FOXP1: variants seen among roughly 807,000 people sequenced by gnomAD.
The protein encoded by FOXP1 is forkhead box P1.
A neutral mutation model predicts 98.2 loss-of-function variants in FOXP1; 15 were observed. That is an observed-to-expected ratio of 0.15 (90% confidence interval 0.10 to 0.24). FOXP1 has a LOEUF of 0.24. FOXP1 is among the 10% of genes least tolerant of loss of function. The probability of loss-of-function intolerance (pLI) is 1.00; values close to 1 mark genes in which losing one functional copy is unlikely to be tolerated. For missense variants in FOXP1, 633 were observed against 848.5 expected (o/e 0.75, Z 3.15); for synonymous variants, 371 against 314.5 (o/e 1.18, Z -1.90).
chr3:71,524,218 GC>G (rs2043199217), intron 2 of FOXP1, among the ~76,000 whole-genome samples: 1 of 152,040 alleles, frequency 6.6e-6, no homozygotes, highest in Non-Finnish European at 1.5e-5. Context: ...ACAAAATTCA[GC>G]CGGGCATGGT....
chr3:71,421,889 G>A (rs2083680346), intron 3 of FOXP1, among the ~76,000 whole-genome samples: 1 of 152,196 alleles, frequency 6.6e-6, no homozygotes, highest in Non-Finnish European at 1.5e-5. Context: ...ACTGCTGATG[G>A]AGCACCTCCA....
intron 12 of FOXP1, among the ~76,000 whole-genome samples, chr3:71,015,181 A>C (rs565045091): frequency 4.6e-5 from 7 of 152,200 alleles, no homozygotes; most frequent in African/African-American, 1.2e-4. Context: ...CAACAACAAC[A>C]ACAACAAAAT....
At chr3:71,065,260 G>C (rs1701311691) in intron 7 of FOXP1, among the ~76,000 whole-genome samples, 1 of 152,034 alleles carries the variant, frequency 6.6e-6, no homozygotes. Context: ...GGCTCTGCGG[G>C]GCCGGGGCTG....
intron 7 of FOXP1, among the ~76,000 whole-genome samples, chr3:71,092,514 C>G (rs1023553273): frequency 1.3e-5 from 2 of 152,030 alleles, no homozygotes; most frequent in Non-Finnish European, 2.9e-5. Context: ...AGATTGAGGA[C>G]AGGAGGAGGC....
chr3:71,102,867 G>A (rs2057089350), intron 7 of FOXP1, among the ~76,000 whole-genome samples: 1 of 152,096 alleles, frequency 6.6e-6, no homozygotes, highest in Admixed American at 6.5e-5. Flanking sequence ...TAGAATCCCA[G>A]CTCTGCCACT....
chr3:71,514,748 C>G lies in FOXP1; in HGVS notation c.-297-21193G>C, dbSNP rs6796893. 4.6e-3 allele frequency among the ~76,000 whole-genome samples: 698 copies of G among 152,322 alleles called. 4 individuals are homozygous for G. Among genetic ancestry groups the G allele is most frequent in the African/African-American group, 0.015 (639 of 41,566 alleles). ...CAGCACGTACACCACAGTTCTGTGACCTGCATGTGGAGCCGACCCAGGTGA... is the reference window on the plus strand; with the variant it reads ...CAGCACGTACACCACAGTTCTGTGAGCTGCATGTGGAGCCGACCCAGGTGA... On this transcript the variant is annotated intron_variant, in intron 2 of 20. Transcript: ENST00000649528.
At chr3:71,173,702 T>C (rs1021923636) in intron 6 of FOXP1, among the ~76,000 whole-genome samples, 38 of 152,162 alleles carry the variant, frequency 2.5e-4, no homozygotes, top group African/African-American at 8.2e-4. Flanking sequence ...GCATGGCTGA[T>C]AACAATTAGA....
At chr3:71,090,978 T>G (rs1420184182) in intron 7 of FOXP1, among the ~76,000 whole-genome samples, 1 of 152,120 alleles carries the variant, frequency 6.6e-6, no homozygotes, top group Non-Finnish European at 1.5e-5. Context: ...ATTTTTTGTG[T>G]GTCCAGACCA....
chr3:71,193,165 TG>T (rs1247132197), intron 6 of FOXP1, among the ~76,000 whole-genome samples: 20 of 150,212 alleles, frequency 1.3e-4, no homozygotes, highest in Non-Finnish European at 2.7e-4. Flanking sequence ...GTTTTTTTTT[TG>T]AGACGGAGTC....
At chr3:71,277,231 T>C (rs2071005763) in intron 5 of FOXP1, among the ~76,000 whole-genome samples, 2 of 151,820 alleles carry the variant, frequency 1.3e-5, no homozygotes, top group South Asian at 2.1e-4. Context: ...GTGCTGGGAT[T>C]ACAGGCATGA....
intron 3 of FOXP1, among the ~76,000 whole-genome samples, chr3:71,395,404 AG>A: frequency 6.7e-6 from 1 of 149,640 alleles, no homozygotes; most frequent in Non-Finnish European, 1.5e-5. Flanking sequence ...ATGATACCCC[AG>A]GGTCTGAACA....
Position 70,958,481 on chromosome 3 carries a change from A to T in FOXP1, c.*766T>A, listed in dbSNP as rs2032393626. 1 of 397,282 alleles carries T rather than the reference A, an allele frequency of 2.5e-6. No individual in the cohort carries two copies. Among genetic ancestry groups the T allele is most frequent in the Non-Finnish European group, 4.8e-6 (1 of 206,652 alleles). The allele number at this position is 397,282 out of a possible 1,614,324, so 24.6% of individuals were successfully genotyped here. On this transcript the variant is annotated 3_prime_UTR_variant, in exon 21 of 21. Coordinates refer to ENST00000649528, the MANE Select transcript of FOXP1 (RefSeq NM_001349338.3). Reference sequence around the variant, plus strand: ...TCTGAAGGAAGATGGAATGAGTGACAGAAAGCTACAAACGAGAAATGACAT... The same window carrying T: ...TCTGAAGGAAGATGGAATGAGTGACTGAAAGCTACAAACGAGAAATGACAT...
intron 6 of FOXP1, among the ~76,000 whole-genome samples, chr3:71,163,768 G>C (rs1251080071): frequency 1.3e-5 from 2 of 152,108 alleles, no homozygotes; most frequent in Admixed American, 1.3e-4. Flanking sequence ...AAATATGTCA[G>C]TCTTGCCACC....
chr3:71,365,840 G>A (rs879936651), intron 3 of FOXP1, among the ~76,000 whole-genome samples: 1 of 152,158 alleles, frequency 6.6e-6, no homozygotes, highest in Admixed American at 6.5e-5. Context: ...AAAATTAGCT[G>A]AGCGTGGTGG....
At chr3:71,373,451 T>C (rs2079489355) in intron 3 of FOXP1, among the ~76,000 whole-genome samples, 2 of 152,158 alleles carry the variant, frequency 1.3e-5, no homozygotes, top group Non-Finnish European at 2.9e-5. Flanking sequence ...GGATCAATAC[T>C]CTTTGTAAGG....
intron 11 of FOXP1, among the ~76,000 whole-genome samples, chr3:71,035,484 G>A (rs1232260316): frequency 6.6e-6 from 1 of 152,190 alleles, no homozygotes. Context: ...TAGACAATAC[G>A]TAAATGAATG....
chr3:71,342,280 C>G (rs1577053609), intron 4 of FOXP1, among the ~76,000 whole-genome samples: 1 of 152,260 alleles, frequency 6.6e-6, no homozygotes, highest in East Asian at 1.9e-4. Context: ...GTCTGAGAGA[C>G]CTGAAAACTC....
intron 7 of FOXP1, among the ~76,000 whole-genome samples, chr3:71,073,412 C>G (rs1199609393): frequency 1.3e-5 from 2 of 152,212 alleles, no homozygotes; most frequent in Non-Finnish European, 2.9e-5. Flanking sequence ...AGCAATCCCC[C>G]TTATCTCTGA....
At chr3:71,403,918 T>C (rs556097095) in intron 3 of FOXP1, among the ~76,000 whole-genome samples, 16 of 152,170 alleles carry the variant, frequency 1.1e-4, no homozygotes, top group East Asian at 3.9e-4. Context: ...ATGATAAAAC[T>C]GCCCATCAAA....
Sources: gnomAD v4.1 joint callset for allele counts (sites outside exome capture counted in the v4.1 genomes callset) on GRCh38, gnomAD v4.1.1 for gene constraint, MANE v1.5 for transcripts, NCBI Gene and HGNC (gene_info 2026-07-23, HGNC 2026-07-21) for gene names.